Variants in TANC1 observed in about 807,000 individuals in gnomAD.
TANC1 encodes the protein protein TANC1.
In TANC1, 77 loss-of-function variants were observed where a neutral mutation model predicts 149.7. That is an observed-to-expected ratio of 0.51 (90% CI 0.43 to 0.62). The LOEUF is 0.62. Among genes scored for constraint, TANC1 ranks in the 20% least tolerant of loss-of-function variants. The pLI is 0.00. For missense variants in TANC1, 1,985 were observed against 2,321.8 expected (o/e 0.85, Z 2.98); for synonymous variants, 854 against 925.0 (o/e 0.92, Z 1.39).
chr2:158,969,626 G>A (rs757222190), intron 1 of TANC1, among the ~76,000 whole-genome samples: 72 of 152,380 alleles, frequency 4.7e-4, no homozygotes, highest in Non-Finnish European at 7.1e-4. Context: ...TGGCGCGGCG[G>A]CTTTCCGGAA....
chr2:159,151,058 C>G (rs1310283275), intron 7 of TANC1, among the ~76,000 whole-genome samples: 2 of 152,188 alleles, frequency 1.3e-5, no homozygotes, highest in Non-Finnish European at 2.9e-5. Flanking sequence ...AGCCCCTACA[C>G]CCACGTAATA....
Position 159,194,289 on chromosome 2 carries a change from C to A in TANC1, c.2775C>A (p.Asn925Lys), listed in dbSNP as rs768318459. 6.2e-7 allele frequency: 1 copy of A among 1,614,136 alleles called. No homozygotes were observed. Among genetic ancestry groups the A allele is most frequent in the Non-Finnish European group, 8.5e-7 (1 of 1,179,962 alleles). Residue 925 changes from asparagine (N) to lysine (K), a missense_variant, in exon 17 of 27, where the codon AAC becomes AAA. Transcript: ENST00000263635. ...VSRLLILGGA[N>K]VNYRTEVLNN... ...GTCTCCTGATTTTGGGAGGGGCCAA[C>A]GTGAACTACAGGACAGAAGTGTTAA...
chr2:159,060,877 T>A (rs1388776813), intron 2 of TANC1, among the ~76,000 whole-genome samples: 1 of 152,214 alleles, frequency 6.6e-6, no homozygotes, highest in Non-Finnish European at 1.5e-5. Context: ...TGGAATCATC[T>A]TACTATTTTG....
chr2:159,130,385 G>A (rs1047841697), intron 4 of TANC1, among the ~76,000 whole-genome samples: 36 of 152,338 alleles, frequency 2.4e-4, no homozygotes, highest in Middle Eastern at 3.4e-3. Context: ...TGAGGGGAAG[G>A]TGCTGGGCAG....
chr2:159,206,321 G>A (rs1444127992), intron 19 of TANC1, among the ~76,000 whole-genome samples: 6 of 152,162 alleles, frequency 3.9e-5, no homozygotes, highest in South Asian at 4.1e-4. Flanking sequence ...CAGAACTGAG[G>A]GGGCTGGGTT....
At chr2:159,077,237 T>C (rs2043793085) in intron 3 of TANC1, among the ~76,000 whole-genome samples, 2 of 152,190 alleles carry the variant, frequency 1.3e-5, no homozygotes, top group South Asian at 4.1e-4. Flanking sequence ...TTAAATTTTT[T>C]GTAGAGGTGG....
intron 3 of TANC1, among the ~76,000 whole-genome samples, chr2:159,087,054 C>T (rs188516838): frequency 3.3e-5 from 5 of 151,994 alleles, no homozygotes; most frequent in South Asian, 2.1e-4. Context: ...CTATTGTTAG[C>T]GAGTTCTGGC....
chr2:159,222,031 C>T, intron 22 of TANC1, among the ~76,000 whole-genome samples: 1 of 152,200 alleles, frequency 6.6e-6, no homozygotes, highest in Admixed American at 6.5e-5. Flanking sequence ...CCCTGTACCT[C>T]TGTGCCTTGG....
At chr2:159,164,956 A>G (rs2150415923) in intron 8 of TANC1, among the ~76,000 whole-genome samples, 1 of 152,262 alleles carries the variant, frequency 6.6e-6, no homozygotes, top group Admixed American at 6.5e-5. Context: ...CTGTCCTCCC[A>G]CCACTGTCCC....
chr2:159,035,295 A>C (rs1009602563), intron 2 of TANC1, among the ~76,000 whole-genome samples: 1 of 152,012 alleles, frequency 6.6e-6, no homozygotes, highest in African/African-American at 2.4e-5. Flanking sequence ...CTAGTCTCTA[A>C]CCTCCTGTGT....
intron 5 of TANC1, among the ~76,000 whole-genome samples, chr2:159,137,459 G>C (rs2050879811): frequency 1.3e-5 from 2 of 152,172 alleles, no homozygotes; most frequent in African/African-American, 4.8e-5. Flanking sequence ...CATGAGAAAT[G>C]CCACCCTTTT....
intron 2 of TANC1, among the ~76,000 whole-genome samples, chr2:159,012,193 A>T (rs2037839627): frequency 6.6e-6 from 1 of 152,236 alleles, no homozygotes; most frequent in South Asian, 2.1e-4. Flanking sequence ...TTTACTTGAG[A>T]TACCAGCTTT....
intron 1 of TANC1, among the ~76,000 whole-genome samples, chr2:158,991,042 A>G (rs780485892): frequency 7.2e-6 from 1 of 138,346 alleles, no homozygotes; most frequent in African/African-American, 2.7e-5. Context: ...TGGTGAGCTG[A>G]GATTGCGCCA....
chr2:159,171,628 G>A (rs2055219148), intron 10 of TANC1, among the ~76,000 whole-genome samples: 1 of 152,068 alleles, frequency 6.6e-6, no homozygotes. Flanking sequence ...AGGCCAAGAT[G>A]GGCAGATCAC....
intron 4 of TANC1, among the ~76,000 whole-genome samples, chr2:159,121,444 C>G (rs1342349071): frequency 6.6e-6 from 1 of 152,230 alleles, no homozygotes; most frequent in South Asian, 2.1e-4. Flanking sequence ...AGTGATTCTT[C>G]TGCCTCAACC....
intron 17 of TANC1, among the ~76,000 whole-genome samples, chr2:159,194,755 C>T (rs1338460329): frequency 6.6e-6 from 1 of 152,178 alleles, no homozygotes; most frequent in African/African-American, 2.4e-5. Flanking sequence ...ATGAGGAGGG[C>T]CAGCCTTTAA....
intron 2 of TANC1, among the ~76,000 whole-genome samples, chr2:159,053,013 A>G (rs1203660134): frequency 6.6e-6 from 1 of 152,238 alleles, no homozygotes; most frequent in Non-Finnish European, 1.5e-5. Context: ...CTGAGGGTAC[A>G]GATTGCTGAA....
chr2:159,134,780 G>T (rs538757895), intron 4 of TANC1, among the ~76,000 whole-genome samples: 3 of 152,070 alleles, frequency 2.0e-5, no homozygotes, highest in Admixed American at 2.0e-4. Context: ...ACCGCGCCTG[G>T]CCTCTTTGTT....
Position 159,103,837 on chromosome 2 carries a change from T to C in TANC1, c.259+6003T>C, listed in dbSNP as rs1470585974. ...GCTGTCCCCAGCGTCTTCTCTTATG[T>C]CAGCCAGCCTGTGCCGATGTTCTGC... is the stretch of plus-strand genomic sequence containing the variant. On this transcript the variant is annotated intron_variant, in intron 4 of 26. Coordinates refer to ENST00000263635, the MANE Select transcript of TANC1 (RefSeq NM_033394.3). 3.1e-5 allele frequency among the ~76,000 whole-genome samples: 3 copies of C among 97,210 alleles called. 1 individual carries two copies. The highest frequency in any genetic ancestry group is 8.6e-5 in the Non-Finnish European group (3 of 34,704). 63.8% of individuals were successfully genotyped at this position (97,210 alleles called of 152,430 possible). A position where few individuals can be genotyped will look rare whatever the true frequency, so the allele number is the denominator to read the frequency against.
Sources: allele counts gnomAD v4.1 joint callset (sites outside exome capture counted in the v4.1 genomes callset), GRCh38; gene constraint gnomAD v4.1.1; transcripts MANE v1.5; gene names NCBI Gene and HGNC (gene_info 2026-07-23, HGNC 2026-07-21).